ITFG1: variants seen among roughly 807,000 people sequenced by gnomAD.
ITFG1 encodes the protein T-cell immunomodulatory protein.
A neutral mutation model predicts 81.8 loss-of-function variants in ITFG1; 34 were observed. The ratio of observed to expected loss-of-function variants is 0.42; its 90% CI spans 0.32 to 0.55. The LOEUF is 0.55. Among genes scored for constraint, ITFG1 ranks in the 20% least tolerant of loss-of-function variants. The pLI is 0.17. For missense variants in ITFG1, 672 were observed against 755.4 expected, an observed-to-expected ratio of 0.89 and a Z score of 1.29; for synonymous variants, 285 against 270.6, an observed-to-expected ratio of 1.05 and a Z score of -0.52.
intron 8 of ITFG1, among the ~76,000 whole-genome samples, chr16:47,315,882 C>T (rs1191211473): frequency 1.3e-5 from 2 of 151,974 alleles, no homozygotes; most frequent in Non-Finnish European, 2.9e-5. Context: ...CCTCCCACTC[C>T]TGGGTTCAAG....
At chr16:47,174,021 C>T (rs1964992511) in intron 14 of ITFG1, among the ~76,000 whole-genome samples, 1 of 152,108 alleles carries the variant, frequency 6.6e-6, no homozygotes, top group South Asian at 2.1e-4. Context: ...GCCTGGACAA[C>T]AAGAGCAAAA....
At chr16:47,275,888 T>C (rs997285540) in intron 10 of ITFG1, among the ~76,000 whole-genome samples, 1 of 152,058 alleles carries the variant, frequency 6.6e-6, no homozygotes, top group Non-Finnish European at 1.5e-5. Flanking sequence ...ATTAGAAGAA[T>C]AAATAAAATA....
chr16:47,232,714 T>G (rs1236199444), intron 13 of ITFG1, among the ~76,000 whole-genome samples: 1 of 151,856 alleles, frequency 6.6e-6, no homozygotes, highest in African/African-American at 2.4e-5. Flanking sequence ...TGATCATGGC[T>G]CACTGCAGCC....
chr16:47,460,075 C>T (rs913079825), intron 1 of ITFG1, among the ~76,000 whole-genome samples: 19 of 152,232 alleles, frequency 1.2e-4, no homozygotes, highest in Admixed American at 1.0e-3. Context: ...GTTAGTTTAA[C>T]GATTGTCAAA....
intron 6 of ITFG1, among the ~76,000 whole-genome samples, chr16:47,390,885 A>G (rs913886189): frequency 1.3e-4 from 20 of 152,186 alleles, no homozygotes; most frequent in African/African-American, 4.8e-4. Flanking sequence ...CATATAATAC[A>G]TTATACTTAA....
chr16:47,442,611 T>C (rs558454097), intron 5 of ITFG1, among the ~76,000 whole-genome samples: 1 of 152,144 alleles, frequency 6.6e-6, no homozygotes, highest in Non-Finnish European at 1.5e-5. Flanking sequence ...TCTACAACTA[T>C]CTGATCTTTG....
intron 14 of ITFG1, among the ~76,000 whole-genome samples, chr16:47,168,582 C>G (rs144601947): frequency 7.7e-6 from 1 of 130,578 alleles, no homozygotes; most frequent in African/African-American, 2.9e-5. Flanking sequence ...GAGACAAGGT[C>G]TCACTATATT....
chr16:47,346,713 T>C (rs1169383458), intron 8 of ITFG1, among the ~76,000 whole-genome samples: 2 of 152,140 alleles, frequency 1.3e-5, no homozygotes, highest in Non-Finnish European at 2.9e-5. Context: ...GATTGAATCA[T>C]GACGAAATAT....
At position 47,260,598 on chromosome 16, in the gene ITFG1, G is replaced by T. The variant is rs767153840; in HGVS notation, c.1168C>A (p.Leu390Ile). ...ACCATGGCATCCTTAATTTGATTTA[G>T]GTCTGTCAGCTCCCAGTAGACTTTA... ...MFKVYWELTDLNQIKDAMVAT... is the reference protein window; with the variant it reads ...MFKVYWELTDINQIKDAMVAT... The change falls in exon 11 of 18, where the codon CTA (leucine) becomes ATA (isoleucine). Residue 390 changes from leucine (L) to isoleucine (I), a missense_variant. By Grantham distance (5) the Leu-to-Ile change is conservative. Coordinates refer to ENST00000320640, the MANE Select transcript of ITFG1 (RefSeq NM_030790.5). 2 of 1,614,112 alleles carry T rather than the reference G, an allele frequency of 1.2e-6. No individual in the cohort carries two copies. The highest frequency in any genetic ancestry group is 1.7e-6 in the Non-Finnish European group (2 of 1,180,000).
chr16:47,431,516 C>T (rs955435569), intron 5 of ITFG1, among the ~76,000 whole-genome samples: 7 of 152,132 alleles, frequency 4.6e-5, no homozygotes, highest in East Asian at 3.9e-4. Context: ...TCCATGACAC[C>T]GGTCCCTGTT....
At chr16:47,305,773 C>T (rs538744994) in intron 10 of ITFG1, among the ~76,000 whole-genome samples, 2 of 152,150 alleles carry the variant, frequency 1.3e-5, no homozygotes, top group South Asian at 4.1e-4. Context: ...CTATACTCAG[C>T]CAAGTTAGCA....
At chr16:47,383,071 G>A (rs1203758189) in intron 6 of ITFG1, among the ~76,000 whole-genome samples, 1 of 152,166 alleles carries the variant, frequency 6.6e-6, no homozygotes, top group Non-Finnish European at 1.5e-5. Flanking sequence ...ATTTCAGGGA[G>A]ATTTTGTAGA....
At chr16:47,369,692 A>T (rs897902455) in intron 7 of ITFG1, among the ~76,000 whole-genome samples, 4 of 152,094 alleles carry the variant, frequency 2.6e-5, no homozygotes, top group Admixed American at 6.6e-5. Flanking sequence ...ACTATTTTTT[A>T]AAAACTGATA....
At chr16:47,313,701 T>G (rs202019537) in intron 9 of ITFG1, 28 bp downstream of exon 9, 4 of 1,246,026 alleles carry the variant, frequency 3.2e-6, no homozygotes, top group Non-Finnish European at 4.6e-6. Flanking sequence ...TAAAAAAAAA[T>G]GTTTACATTA....
intron 6 of ITFG1, among the ~76,000 whole-genome samples, chr16:47,401,296 T>G (rs1227994533): frequency 2.0e-5 from 3 of 152,182 alleles, no homozygotes; most frequent in Non-Finnish European, 4.4e-5. Flanking sequence ...GATAATGTGT[T>G]GAAATATCTG....
intron 12 of ITFG1, among the ~76,000 whole-genome samples, chr16:47,245,909 CTCTTTT>C (rs1300519469): frequency 6.6e-6 from 1 of 151,758 alleles, no homozygotes; most frequent in Non-Finnish European, 1.5e-5. Flanking sequence ...GTGAATGGAA[CTCTTTT>C]GCAAGACTAT....
At chr16:47,208,429 T>G (rs1965526971) in intron 14 of ITFG1, among the ~76,000 whole-genome samples, 1 of 152,236 alleles carries the variant, frequency 6.6e-6, no homozygotes, top group Non-Finnish European at 1.5e-5. Context: ...TCCCAGAGTC[T>G]TTAAGCCTCA....
chr16:47,424,919 T>C (rs1969000050), intron 6 of ITFG1, among the ~76,000 whole-genome samples: 1 of 152,124 alleles, frequency 6.6e-6, no homozygotes, highest in African/African-American at 2.4e-5. Flanking sequence ...AGGCAGTGTG[T>C]CCGTTCTCGG....
At chr16:47,327,557 A>C (rs1307095820) in intron 8 of ITFG1, among the ~76,000 whole-genome samples, 1 of 152,138 alleles carries the variant, frequency 6.6e-6, no homozygotes, top group Non-Finnish European at 1.5e-5. Flanking sequence ...AATGGGAGAA[A>C]ATTTTTGCAA....
Sources: allele counts gnomAD v4.1 joint callset (sites outside exome capture counted in the v4.1 genomes callset), GRCh38; gene constraint gnomAD v4.1.1; transcripts MANE v1.5; gene names NCBI Gene and HGNC (gene_info 2026-07-23, HGNC 2026-07-21).